The following CACNA2D3 variants were observed in gnomAD, a reference collection of about 807,000 sequenced individuals.
CACNA2D3 encodes calcium voltage-gated channel auxiliary subunit alpha2delta 3.
A neutral mutation model predicts 160.6 loss-of-function variants in CACNA2D3; 60 were observed. The ratio of observed to expected loss-of-function variants is 0.37; its 90% CI spans 0.30 to 0.46. The LOEUF (loss-of-function observed/expected upper bound fraction) is 0.46, where lower values mean the gene tolerates loss of function less well. Ranked by LOEUF, CACNA2D3 falls within the 20% of genes least tolerant of loss-of-function variation. CACNA2D3 has a pLI of 1.00. For synonymous variants in CACNA2D3, 558 were observed against 492.9 expected (o/e 1.13, Z -1.75); for missense variants, 1,205 against 1,365.0 (o/e 0.88, Z 1.85).
intron 11 of CACNA2D3, among the ~76,000 whole-genome samples, chr3:54,682,161 GCACACA>G (rs138753206): frequency 0.043 from 6,177 of 144,754 alleles, 170 homozygotes; most frequent in Middle Eastern, 0.14. Flanking sequence ...AAACAGAACA[GCACACA>G]CACACACACA....
intron 35 of CACNA2D3, among the ~76,000 whole-genome samples, chr3:55,064,033 T>C (rs1704576611): frequency 6.6e-6 from 1 of 152,248 alleles, no homozygotes; most frequent in Non-Finnish European, 1.5e-5. Context: ...TTTAATATTG[T>C]GCTCCTTCAG....
chr3:54,555,960 A>T (rs1702235737), intron 5 of CACNA2D3, among the ~76,000 whole-genome samples: 1 of 152,220 alleles, frequency 6.6e-6, no homozygotes, highest in Non-Finnish European at 1.5e-5. Context: ...AAAATATAAC[A>T]TGAACATGAA....
intron 4 of CACNA2D3, among the ~76,000 whole-genome samples, chr3:54,438,321 G>A (rs1325331887): frequency 2.0e-5 from 3 of 152,084 alleles, no homozygotes. Flanking sequence ...GATATGTAAG[G>A]GGTTTTAGTT....
At chr3:54,785,788 C>G (rs1702629590) in intron 13 of CACNA2D3, among the ~76,000 whole-genome samples, 1 of 152,182 alleles carries the variant, frequency 6.6e-6, no homozygotes, top group African/African-American at 2.4e-5. Flanking sequence ...GTAAATGAGG[C>G]AAACACCATG....
rs867255935 is a variant in CACNA2D3, at chr3:54,736,048, C to T, written c.1168-16551C>T. Among the ~76,000 whole-genome samples, 139 of 34,904 alleles carry T rather than the reference C, an allele frequency of 4.0e-3. 3 individuals carry two copies. Among genetic ancestry groups the T allele is most frequent in the African/African-American group, 0.014 (116 of 8,372 alleles). The allele number at this position is 34,904 out of a possible 152,430, so 22.9% of individuals were successfully genotyped here. On this transcript the variant is annotated intron_variant, in intron 11 of 37. Transcript: ENST00000474759. ...ACATATATATATGTATATATATACA[C>T]ATACATATGTATGTATATATATATA...
chr3:54,796,522 A>G (rs1702869474), intron 13 of CACNA2D3, among the ~76,000 whole-genome samples: 1 of 152,208 alleles, frequency 6.6e-6, no homozygotes, highest in Non-Finnish European at 1.5e-5. Context: ...ATATATATTT[A>G]CCAATGGGCC....
chr3:54,207,807 A>G (rs909121915), intron 2 of CACNA2D3, among the ~76,000 whole-genome samples: 1 of 152,010 alleles, frequency 6.6e-6, no homozygotes, highest in African/African-American at 2.4e-5. Flanking sequence ...GCCACGAGAT[A>G]GGGCCGCTTG....
chr3:54,226,926 T>C (rs186805810), intron 2 of CACNA2D3, among the ~76,000 whole-genome samples: 51 of 152,356 alleles, frequency 3.3e-4, no homozygotes, highest in African/African-American at 1.1e-3. Flanking sequence ...TTGTTCTCAG[T>C]AGGAGTGTTT....
rs189468323 is a variant in CACNA2D3, at chr3:55,030,977, T to G, written c.2987+12660T>G. Among the ~76,000 whole-genome samples, 143 of 152,296 alleles carry G rather than the reference T, an allele frequency of 9.4e-4. 1 individual carries two copies. Among genetic ancestry groups the G allele is most frequent in the African/African-American group, 3.4e-3 (141 of 41,560 alleles). On this transcript the variant is annotated intron_variant, in intron 35 of 37. Coordinates refer to ENST00000474759, the MANE Select transcript of CACNA2D3 (RefSeq NM_018398.3). ...ACCTGACATGAATTAGTCTCACAAT[T>G]TCCCATTTGTACATTTCTTAATGTG...
chr3:54,675,198 G>A (rs781493408), intron 11 of CACNA2D3, among the ~76,000 whole-genome samples: 1 of 152,170 alleles, frequency 6.6e-6, no homozygotes, highest in African/African-American at 2.4e-5. Flanking sequence ...GGGAGACAGG[G>A]CCATCACTTG....
chr3:54,288,954 GC>G (rs1159228337), intron 2 of CACNA2D3, among the ~76,000 whole-genome samples: 39 of 152,074 alleles, frequency 2.6e-4, no homozygotes, highest in Non-Finnish European at 2.5e-4. Flanking sequence ...CAAACCCACA[GC>G]CAATATCATA....
chr3:54,677,783 TGTA>T (rs1700271477), intron 11 of CACNA2D3, among the ~76,000 whole-genome samples: 1 of 152,124 alleles, frequency 6.6e-6, no homozygotes, highest in African/African-American at 2.4e-5. Context: ...GGAATCTTGT[TGTA>T]GTGACCACAG....
At chr3:54,678,579 G>T (rs1376842406) in intron 11 of CACNA2D3, among the ~76,000 whole-genome samples, 2 of 151,666 alleles carry the variant, frequency 1.3e-5, no homozygotes, top group Non-Finnish European at 2.9e-5. Context: ...AAATTAGCCG[G>T]GCATGGTGGT....
intron 3 of CACNA2D3, among the ~76,000 whole-genome samples, chr3:54,346,653 A>G (rs1698463468): frequency 6.6e-6 from 1 of 152,168 alleles, no homozygotes; most frequent in Non-Finnish European, 1.5e-5. Flanking sequence ...TTAGCCTGGT[A>G]CATTTGTTGC....
At chr3:54,878,285 C>G (rs1311428180) in intron 18 of CACNA2D3, among the ~76,000 whole-genome samples, 1 of 152,186 alleles carries the variant, frequency 6.6e-6, no homozygotes, top group African/African-American at 2.4e-5. Context: ...CTGGCCTTCT[C>G]TGTCGTCTTG....
At chr3:54,815,400 C>G (rs986751549) in intron 13 of CACNA2D3, among the ~76,000 whole-genome samples, 1 of 152,128 alleles carries the variant, frequency 6.6e-6, no homozygotes, top group Non-Finnish European at 1.5e-5. Flanking sequence ...TCCACAGGGG[C>G]AGGGGTTTAG....
intron 2 of CACNA2D3, among the ~76,000 whole-genome samples, chr3:54,307,866 T>C (rs1158872303): frequency 2.6e-5 from 4 of 152,216 alleles, no homozygotes; most frequent in Non-Finnish European, 5.9e-5. Flanking sequence ...GCAACTAATA[T>C]CGTGTGCTAG....
chr3:54,655,457 G>C (rs1241810290), intron 11 of CACNA2D3, among the ~76,000 whole-genome samples: 11 of 152,224 alleles, frequency 7.2e-5, no homozygotes, highest in Admixed American at 7.2e-4. Context: ...TCCGTCTGCT[G>C]TAGTTAAAAC....
intron 2 of CACNA2D3, among the ~76,000 whole-genome samples, chr3:54,319,201 C>CACACACACACA (rs1559448362): frequency 6.1e-5 from 9 of 146,788 alleles, no homozygotes; most frequent in African/African-American, 1.3e-4. Flanking sequence ...CACACACACA[C>CACACACACACA]CCTTCCTCGA....
Sources: gnomAD v4.1 joint callset for allele counts (sites outside exome capture counted in the v4.1 genomes callset) on GRCh38, gnomAD v4.1.1 for gene constraint, MANE v1.5 for transcripts, NCBI Gene and HGNC (gene_info 2026-07-23, HGNC 2026-07-21) for gene names.